Variants in CUX1 observed in about 807,000 individuals in gnomAD.
CUX1 encodes the protein protein CASP.
A neutral mutation model predicts 158.8 loss-of-function variants in CUX1; 31 were observed. That is an observed-to-expected ratio of 0.20 (90% CI 0.15 to 0.26). The LOEUF is 0.26. Ranked by LOEUF, CUX1 falls within the 10% of genes least tolerant of loss-of-function variation. The probability of loss-of-function intolerance (pLI) is 1.00; values close to 1 mark genes in which losing one functional copy is unlikely to be tolerated. For synonymous variants in CUX1, 879 were observed against 862.1 expected, an observed-to-expected ratio of 1.02 and a Z score of -0.34; for missense variants, 1,589 against 2,014.6, an observed-to-expected ratio of 0.79 and a Z score of 4.04.
intron 4 of CUX1, among the ~76,000 whole-genome samples, chr7:102,079,895 C>T (rs1827168542): frequency 6.6e-6 from 1 of 152,136 alleles, no homozygotes; most frequent in Admixed American, 6.5e-5. Flanking sequence ...GGGGACGAGG[C>T]TGTATGCTCT....
rs1801565648 is a variant in CUX1 at position 102,251,981 on chromosome 7, G to A, written c.*2939G>A. 3.0e-6 allele frequency: 3 copies of A among 985,272 alleles called. No individual in the cohort carries two copies. Among genetic ancestry groups the A allele is most frequent in the Non-Finnish European group, 2.4e-6 (2 of 829,886 alleles). The allele number at this position is 985,272 out of a possible 1,614,324, so 61.0% of individuals were successfully genotyped here. A position where few individuals can be genotyped will look rare whatever the true frequency, so the allele number is the denominator to read the frequency against. Reference sequence around the variant, plus strand: ...TCATATGTGTTGTTTTCTCTTTTCTGTTTTTACTTCTTAGATTTTTAACTA... The same window carrying A: ...TCATATGTGTTGTTTTCTCTTTTCTATTTTTACTTCTTAGATTTTTAACTA... On this transcript the variant is annotated 3_prime_UTR_variant, in exon 24 of 24. Coordinates refer to ENST00000292535, the MANE Select transcript of CUX1 (RefSeq NM_181552.4).
At position 102,050,455 on chromosome 7, in the gene CUX1, C is replaced by T. The variant is rs375706289; in HGVS notation, c.190-19884C>T. On this transcript the variant is annotated intron_variant, in intron 3 of 23. Coordinates refer to ENST00000292535, the MANE Select transcript of CUX1 (RefSeq NM_181552.4). ...CACTCCAGAGTAACCTCATCTGGGC[C>T]GTTTGGGGCTGGTGGTTCCAAATTT... Among the ~76,000 whole-genome samples the T allele has an allele frequency of 3.9e-4, 60 of 152,222 alleles. 1 individual carries two copies. The highest frequency in any genetic ancestry group is 1.3e-3 in the African/African-American group (53 of 41,564).
chr7:102,134,728 G>T (rs1833702033), intron 8 of CUX1, among the ~76,000 whole-genome samples: 2 of 151,938 alleles, frequency 1.3e-5, no homozygotes. Flanking sequence ...CTCCTGAGTA[G>T]CTGGGACTAT....
intron 2 of CUX1, among the ~76,000 whole-genome samples, chr7:101,947,020 G>A (rs909322944): frequency 1.8e-4 from 27 of 152,184 alleles, no homozygotes; most frequent in African/African-American, 6.5e-4. Context: ...AGCCGATTTG[G>A]GTGGGAGAGT....
chr7:102,279,462 C>T (rs534191462), intron 18 of CUX1, among the ~76,000 whole-genome samples: 4 of 152,206 alleles, frequency 2.6e-5, no homozygotes, highest in African/African-American at 9.6e-5. Context: ...GAGGCCTGTG[C>T]GTGGCTTCTC....
intron 1 of CUX1, among the ~76,000 whole-genome samples, chr7:101,864,335 A>AT (rs1020425770): frequency 1.3e-5 from 2 of 151,290 alleles, no homozygotes; most frequent in African/African-American, 4.9e-5. Flanking sequence ...TAATTTTTAT[A>AT]TTTTTTTGTA....
At chr7:101,819,331 G>A (rs1792217972) in intron 1 of CUX1, among the ~76,000 whole-genome samples, 1 of 152,220 alleles carries the variant, frequency 6.6e-6, no homozygotes, top group East Asian at 1.9e-4. Context: ...ATGGCACTCT[G>A]TATGTTAGTG....
rs1360382907 is a variant in CUX1, at chr7:102,280,209, A to G, written c.1764+89A>G. The G allele has an allele frequency of 1.8e-4, 147 of 803,970 alleles. No homozygotes were observed. The East Asian group carries it at 3.7e-3, about 20-fold the overall frequency. The allele number at this position is 803,970 out of a possible 1,614,324, so 49.8% of individuals were successfully genotyped here. On this transcript the variant is annotated intron_variant, in intron 19 of 22. Coordinates refer to the CUX1 transcript ENST00000292538. Reference sequence around the variant, plus strand: ...CCCCATCACTTGGCCCCTATCCCTGAGCACTCGGCCTTCCCTGGCTCCCCT... The same window carrying G: ...CCCCATCACTTGGCCCCTATCCCTGGGCACTCGGCCTTCCCTGGCTCCCCT...
At chr7:102,058,544 A>G (rs1380989338) in intron 3 of CUX1, among the ~76,000 whole-genome samples, 1 of 151,992 alleles carries the variant, frequency 6.6e-6, no homozygotes, top group Non-Finnish European at 1.5e-5. Flanking sequence ...CAGCCTCCCA[A>G]AGTGCTAGGA....
At position 102,195,632 on chromosome 7, in the gene CUX1, G is replaced by A. The variant is rs782279473; in HGVS notation, c.1222+29G>A. 31 of 1,572,522 alleles carry A rather than the reference G, an allele frequency of 2.0e-5. No homozygotes were observed. The East Asian group carries it at 6.4e-4, about 33-fold the overall frequency. On this transcript the variant is annotated intron_variant, in intron 14 of 23. Transcript: ENST00000292535. ...GGTTGGCCGGGCTTCGCGCGTGTGC[G>A]GTGGTTGGTTCGCTTCCAGGGGTCG...
exon 15 of CUX1, chr7:102,273,435 T>C: frequency 6.2e-7 from 1 of 1,613,262 alleles, no homozygotes; most frequent in South Asian, 1.1e-5. Context: ...AGAGAGCTGA[T>C]CGCCCGCCTG....
At chr7:102,010,490 G>T (rs1317857900) in intron 2 of CUX1, among the ~76,000 whole-genome samples, 2 of 151,344 alleles carry the variant, frequency 1.3e-5, no homozygotes, top group African/African-American at 2.4e-5. Context: ...TCTTAAATCT[G>T]TATCATGGAA....
intron 2 of CUX1, among the ~76,000 whole-genome samples, chr7:101,929,232 C>T (rs1806014404): frequency 6.6e-6 from 1 of 152,050 alleles, no homozygotes; most frequent in Non-Finnish European, 1.5e-5. Context: ...ATTATTAAAG[C>T]CTAGGGTAGA....
intron 8 of CUX1, among the ~76,000 whole-genome samples, chr7:102,141,764 A>G (rs1488110672): frequency 6.8e-6 from 1 of 147,960 alleles, no homozygotes; most frequent in African/African-American, 2.5e-5. Context: ...CTGGGATTAC[A>G]GGTGCACACC....
At chr7:101,921,636 A>AT (rs1473843566) in intron 2 of CUX1, among the ~76,000 whole-genome samples, 1 of 151,792 alleles carries the variant, frequency 6.6e-6, no homozygotes, top group Non-Finnish European at 1.5e-5. Context: ...AATTTTTTGT[A>AT]TTTTTAGTAG....
intron 2 of CUX1, among the ~76,000 whole-genome samples, chr7:101,977,173 A>G (rs1340257070): frequency 1.3e-5 from 2 of 152,000 alleles, no homozygotes; most frequent in Non-Finnish European, 2.9e-5. Flanking sequence ...TCGGCCTCCC[A>G]AAGTGCTAGG....
Position 102,012,717 on chromosome 7 carries a change from G to C in CUX1, c.142-15381G>C, listed in dbSNP as rs1242528036. Among the ~76,000 whole-genome samples, 4 of 149,028 alleles carry C rather than the reference G, an allele frequency of 2.7e-5. No individual in the cohort carries two copies. The East Asian group carries it at 6.2e-4, about 23-fold the overall frequency. On this transcript the variant is annotated intron_variant, in intron 2 of 23. Transcript: ENST00000292535. ...TGGAGAGTGGGGGCGGGGGGAGGGG[G>C]TTGTCCGTCTTTGTATCTCTGTCTC...
At chr7:102,269,961 C>T (rs1023207226) in intron 14 of CUX1, among the ~76,000 whole-genome samples, 1 of 152,142 alleles carries the variant, frequency 6.6e-6, no homozygotes, top group Non-Finnish European at 1.5e-5. Flanking sequence ...TTACCAGAAC[C>T]GAGCCAGCCA....
intron 1 of CUX1, among the ~76,000 whole-genome samples, chr7:101,907,742 T>G (rs12532535): frequency 6.6e-6 from 1 of 152,048 alleles, no homozygotes; most frequent in African/African-American, 2.4e-5. Flanking sequence ...AAATGAACTT[T>G]CTGCAAATGA....
Sources: allele counts gnomAD v4.1 joint callset (sites outside exome capture counted in the v4.1 genomes callset), GRCh38; gene constraint gnomAD v4.1.1; transcripts MANE v1.5; gene names NCBI Gene and HGNC (gene_info 2026-07-23, HGNC 2026-07-21).